Variants in SNED1 observed in about 807,000 individuals in gnomAD.
SNED1 encodes sushi, nidogen and EGF-like domain-containing protein 1.
A neutral mutation model predicts 166.7 loss-of-function variants in SNED1; 81 were observed. That is an observed-to-expected ratio of 0.49 (90% CI 0.41 to 0.58). SNED1 has a LOEUF of 0.58. SNED1 is among the 20% of genes least tolerant of loss of function. The pLI is 0.00. For synonymous variants in SNED1, 762 were observed against 822.0 expected, an observed-to-expected ratio of 0.93 and a Z score of 1.25; for missense variants, 1,604 against 2,000.2, an observed-to-expected ratio of 0.80 and a Z score of 3.78.
At chr2:241,077,380 C>A (rs2063078021) in intron 27 of SNED1, among the ~76,000 whole-genome samples, 1 of 152,072 alleles carries the variant, frequency 6.6e-6, no homozygotes, top group Non-Finnish European at 1.5e-5. Flanking sequence ...TTAGGCTCAA[C>A]AATAAAAGTA....
At chr2:241,088,644 T>G (rs1035306262) in intron 31 of SNED1, 1 of 545,030 alleles carries the variant, frequency 1.8e-6, no homozygotes. Context: ...TGAGGCTCTC[T>G]GTGGATAGGG....
chr2:241,037,205 C>A (rs1206410181), intron 5 of SNED1, 35 bp from the exon 6 acceptor site: 1 of 1,529,448 alleles, frequency 6.5e-7, no homozygotes, highest in African/African-American at 1.4e-5. Context: ...ATCCGGGTTC[C>A]CGCCGCTGAG....
chr2:241,090,319 A>G (rs1472500665), intron 31 of SNED1: 6 of 1,549,866 alleles, frequency 3.9e-6, no homozygotes, highest in Middle Eastern at 1.7e-4. Flanking sequence ...CCACTTCCAC[A>G]TCGTGTCCCA....
intron 2 of SNED1, chr2:241,033,394 C>A (rs753669079): frequency 1.4e-5 from 3 of 216,574 alleles, no homozygotes; most frequent in Non-Finnish European, 2.7e-5. Flanking sequence ...TTCCTTTTTG[C>A]AATTTTGCTC....
rs539827809 is a variant in SNED1 at position 241,082,320 on chromosome 2, G to A, written c.4077G>A (p.Glu1359=). 67 of 1,613,702 alleles carry A rather than the reference G, an allele frequency of 4.2e-5. 3 individuals are homozygous for A. In the South Asian group the frequency reaches 6.9e-4, roughly 17 times the overall value. The change falls in exon 29 of 32, where the codon GAG becomes GAA. Residue 1359 remains glutamate (E), a synonymous_variant. Transcript: ENST00000310397. The part of the protein sequence containing the change: ...VSRPCTRLFS[E]TKAFPVWEGG... ...GCCCCTGCACAAGGCTGTTCTCCGA[G>A]ACAAAGGCCTTTCCAGTCTGGGAGG...
chr2:241,048,717 C>G lies in SNED1; in HGVS notation c.1455C>G (p.Thr485=). 1 of 1,612,982 alleles carries G rather than the reference C, an allele frequency of 6.2e-7. No individual in the cohort carries two copies. The highest frequency in any genetic ancestry group is 1.1e-5 in the South Asian group (1 of 90,636). ...GAGGCAGATGCCTGGGCGCCAACAC[C>G]ACCCTCTGCCAGTGCCCCCTGGGAT... The part of the protein sequence containing the change: ...RNGGRCLGAN[T]TLCQCPLGFF... Residue 485 remains threonine, a synonymous_variant, in exon 10 of 32, where the codon ACC becomes ACG. Transcript: ENST00000310397.
intron 31 of SNED1, chr2:241,090,129 C>A: frequency 6.7e-7 from 1 of 1,482,094 alleles, no homozygotes; most frequent in Non-Finnish European, 9.0e-7. Context: ...TTTTTAATAA[C>A]AGCTTAAAAT....
chr2:241,055,336 C>T (rs1022411441), intron 16 of SNED1, among the ~76,000 whole-genome samples: 4 of 152,058 alleles, frequency 2.6e-5, no homozygotes, highest in African/African-American at 9.7e-5. Flanking sequence ...TAGTAAAATA[C>T]GAGAATATCC....
chr2:241,073,606 C>G lies in SNED1; in HGVS notation c.3916+242C>G. On this transcript the variant is annotated intron_variant, in intron 27 of 31. Transcript: ENST00000310397. This position sits in a 1 kb window ranked among gnomAD's most constrained non-coding sequence, Gnocchi z 6.6. ...AGGACCCACCCAAACCACCCAGAGT[C>G]TGAGCTAGAGAGACTGGCTTTGATG... 1 of 584,382 alleles carries G rather than the reference C, an allele frequency of 1.7e-6. No homozygotes were observed. Among genetic ancestry groups the G allele is most frequent in the East Asian group, 2.8e-5 (1 of 35,758 alleles). The allele number at this position is 584,382 out of a possible 1,614,324, so 36.2% of individuals were successfully genotyped here.
Position 241,048,784 on chromosome 2 carries a change from C to G in SNED1, c.1504+18C>G. On this transcript the variant is annotated intron_variant, in intron 10 of 31. Coordinates refer to ENST00000310397, the MANE Select transcript of SNED1 (RefSeq NM_001080437.3). ...TGAATTTGGTAGGTGCCCAGGTCAC[C>G]CTTCCTGCCCTGTCCCTGAGCATCC... 6.4e-7 allele frequency: 1 copy of G among 1,566,482 alleles called. No homozygotes were observed. The highest frequency in any genetic ancestry group is 2.3e-5 in the East Asian group (1 of 44,022).
chr2:240,998,686 C>CG lies in SNED1; in HGVS notation c.-149dup, dbSNP rs1397087436. ...GCGGCGAGAGCGCGGCCCGGCCGAACGGGCGCGGGACGCGGAGCCCCCGAC... is the reference window on the plus strand; with the variant it reads ...GCGGCGAGAGCGCGGCCCGGCCGAACGGGGCGCGGGACGCGGAGCCCCCGAC... On this transcript the variant is annotated 5_prime_UTR_variant, in exon 1 of 32. Coordinates refer to ENST00000310397, the MANE Select transcript of SNED1 (RefSeq NM_001080437.3). 6.7e-6 allele frequency among the ~76,000 whole-genome samples: 1 copy of CG among 148,862 alleles called. No individual in the cohort carries two copies. The highest frequency in any genetic ancestry group is 1.5e-5 in the Non-Finnish European group (1 of 66,882).
intron 16 of SNED1, among the ~76,000 whole-genome samples, chr2:241,058,258 C>G (rs1160620624): frequency 2.0e-5 from 3 of 152,184 alleles, no homozygotes; most frequent in African/African-American, 7.2e-5. Context: ...TATAAATATT[C>G]AAGCATCTAA....
intron 1 of SNED1, chr2:241,010,335 T>G (rs985327318): frequency 2.0e-5 from 3 of 152,310 alleles, no homozygotes; most frequent in African/African-American, 7.2e-5. Flanking sequence ...CCCAGACGCT[T>G]CAGCTCTTTC....
intron 1 of SNED1, among the ~76,000 whole-genome samples, chr2:241,016,945 C>G (rs973435164): frequency 4.6e-5 from 7 of 150,696 alleles, no homozygotes; most frequent in African/African-American, 1.7e-4. Context: ...CTCTGCCTCC[C>G]GGGTTCAAGC....
At position 241,087,446 on chromosome 2, in the gene SNED1, A is replaced by T. The variant is rs375760729; in HGVS notation, c.4176A>T (p.Glu1392Asp). The change falls in exon 30 of 32, where the codon GAA becomes GAT. Residue 1392 changes from glutamate to aspartate, a missense_variant. Transcript: ENST00000310397. ...HQDICFKESCESTSLKKTPNR... is the reference protein window; with the variant it reads ...HQDICFKESCDSTSLKKTPNR... Reference sequence around the variant, plus strand: ...ACATCTGCTTCAAAGAGAGCTGTGAAAGCACAAGCCTCAAGAAGACCCCAA... The same window carrying T: ...ACATCTGCTTCAAAGAGAGCTGTGATAGCACAAGCCTCAAGAAGACCCCAA... 23 of 1,603,756 alleles carry T rather than the reference A, an allele frequency of 1.4e-5. No homozygotes were observed. The highest frequency in any genetic ancestry group is 1.7e-5 in the Non-Finnish European group (20 of 1,175,296).
At chr2:241,044,570 C>T (rs1451448941) in intron 8 of SNED1, among the ~76,000 whole-genome samples, 2 of 152,166 alleles carry the variant, frequency 1.3e-5, no homozygotes, top group African/African-American at 4.8e-5. Context: ...TGGTATCCCC[C>T]CAGCCAGGAC....
Position 241,068,891 on chromosome 2 carries a change from T to C in SNED1, c.3195-20T>C. 6.6e-7 allele frequency: 1 copy of C among 1,510,596 alleles called. No homozygotes were observed. Among genetic ancestry groups the C allele is most frequent in the Non-Finnish European group, 9.0e-7 (1 of 1,113,452 alleles). 93.6% of individuals were successfully genotyped at this position (1,510,596 alleles called of 1,614,324 possible). A position where few individuals can be genotyped will look rare whatever the true frequency, so the allele number is the denominator to read the frequency against. On this transcript the variant is annotated intron_variant, in intron 22 of 31. Transcript: ENST00000310397. This position sits in a 1 kb window ranked among gnomAD's most constrained non-coding sequence, Gnocchi z 5.3. ...GGTCCCAGACATCCCTGTTCTCTCT[T>C]TGTCACCTCCTGCCCACAGGGCCCT...
At chr2:241,082,195 T>G in intron 28 of SNED1, 82 bp from the exon 29 acceptor site, 1 of 1,153,714 alleles carries the variant, frequency 8.7e-7, no homozygotes, top group Non-Finnish European at 1.3e-6. Flanking sequence ...CCCCGGGCCC[T>G]CTCCCTTGGG....
chr2:241,087,982 C>T (rs758717198), intron 30 of SNED1: 37 of 397,618 alleles, frequency 9.3e-5, no homozygotes, highest in East Asian at 2.4e-4. Context: ...AGTAGCCACA[C>T]GTACTTGTTT....
Sources: gnomAD v4.1 joint callset for allele counts (sites outside exome capture counted in the v4.1 genomes callset) on GRCh38, gnomAD v4.1.1 for gene constraint, Gnocchi (gnomAD v3.1) non-coding constraint, MANE v1.5 for transcripts, NCBI Gene and HGNC (gene_info 2026-07-23, HGNC 2026-07-21) for gene names.